STK32B: variants seen among roughly 807,000 people sequenced by gnomAD.
STK32B encodes the protein serine/threonine-protein kinase 32B.
Under a neutral mutation model 52.6 loss-of-function variants are expected in STK32B, and 43 were observed. That is an observed-to-expected ratio of 0.82 (90% CI 0.64 to 1.05). The LOEUF is 1.05. Ranked by LOEUF, STK32B falls within the 50% of genes least tolerant of loss-of-function variation. The pLI is 0.00. For synonymous variants in STK32B, 238 were observed against 204.3 expected, an observed-to-expected ratio of 1.17 and a Z score of -1.41; for missense variants, 621 against 534.6, an observed-to-expected ratio of 1.16 and a Z score of -1.59.
chr4:5,253,434 G>A (rs1726076781), intron 3 of STK32B, among the ~76,000 whole-genome samples: 1 of 152,112 alleles, frequency 6.6e-6, no homozygotes, highest in Non-Finnish European at 1.5e-5. Context: ...GAGTGCAGTG[G>A]CACGATCTCA....
At chr4:5,073,992 G>T (rs961240898) in intron 1 of STK32B, among the ~76,000 whole-genome samples, 6 of 151,668 alleles carry the variant, frequency 4.0e-5, no homozygotes, top group African/African-American at 1.5e-4. Context: ...ATTGTGGATT[G>T]ATATTTTAAA....
intron 4 of STK32B, among the ~76,000 whole-genome samples, chr4:5,359,488 G>T (rs1208148881): frequency 6.6e-6 from 1 of 150,578 alleles, no homozygotes; most frequent in Non-Finnish European, 1.5e-5. Flanking sequence ...GTGAACTAAT[G>T]ATCAAGTTTC....
chr4:5,019,431 C>CCCAGGCGTCCTCATGGTG, the STK32B span: 1 of 1,475,330 alleles, frequency 6.8e-7, no homozygotes, highest in Non-Finnish European at 8.9e-7. Context: ...CGGGCAGAGG[C>CCCAGGCGTCCTCATGGTG]CCAGGCGTCC....
intron 1 of STK32B, among the ~76,000 whole-genome samples, chr4:5,102,679 A>G (rs1301965559): frequency 2.7e-5 from 4 of 149,916 alleles, no homozygotes; most frequent in Non-Finnish European, 4.4e-5. Flanking sequence ...TTATAGGCAC[A>G]CACCACCATA....
At chr4:5,117,740 A>C (rs1259791897) in intron 1 of STK32B, among the ~76,000 whole-genome samples, 1 of 152,190 alleles carries the variant, frequency 6.6e-6, no homozygotes, top group East Asian at 1.9e-4. Flanking sequence ...ACTGAAATCT[A>C]AAATTGTATA....
intron 7 of STK32B, among the ~76,000 whole-genome samples, chr4:5,451,943 G>T (rs1352732160): frequency 1.3e-5 from 2 of 152,076 alleles, no homozygotes; most frequent in African/African-American, 4.8e-5. Flanking sequence ...CATCACCTAG[G>T]ACTTCTACCC....
intron 3 of STK32B, chr4:5,204,260 C>G (rs1722384412): frequency 6.6e-6 from 1 of 152,152 alleles, no homozygotes; most frequent in South Asian, 2.1e-4. Context: ...CTCCATGATT[C>G]ATTTATTGAA....
intron 9 of STK32B, among the ~76,000 whole-genome samples, chr4:5,464,686 C>A (rs986652669): frequency 4.6e-5 from 7 of 152,158 alleles, no homozygotes; most frequent in African/African-American, 1.7e-4. Flanking sequence ...CAGCTTCACA[C>A]CAGTCCTGGG....
chr4:5,436,147 A>T (rs1714056848), intron 6 of STK32B, among the ~76,000 whole-genome samples: 1 of 152,196 alleles, frequency 6.6e-6, no homozygotes, highest in Non-Finnish European at 1.5e-5. Context: ...CCCCAGCCCT[A>T]GTACCTTGTG....
chr4:5,433,790 A>G (rs1577489889), intron 6 of STK32B, among the ~76,000 whole-genome samples: 1 of 152,148 alleles, frequency 6.6e-6, no homozygotes, highest in African/African-American at 2.4e-5. Context: ...GCAGGCTAAT[A>G]ATTATACTTC....
chr4:5,375,853 G>T (rs574873817), intron 4 of STK32B, among the ~76,000 whole-genome samples: 235 of 152,226 alleles, frequency 1.5e-3, no homozygotes, highest in African/African-American at 5.4e-3. Flanking sequence ...GAGCCTGGAG[G>T]GCAGGTTCCT....
chr4:5,182,187 CT>C (rs1454639020), intron 3 of STK32B, among the ~76,000 whole-genome samples: 1 of 152,226 alleles, frequency 6.6e-6, no homozygotes, highest in Non-Finnish European at 1.5e-5. Context: ...TCCAGCTCTA[CT>C]TCTAATTCTA....
chr4:5,110,496 A>G (rs1296481302), intron 1 of STK32B, among the ~76,000 whole-genome samples: 1 of 151,712 alleles, frequency 6.6e-6, no homozygotes, highest in Non-Finnish European at 1.5e-5. Context: ...TGACAAAAAT[A>G]AAAAATGGGA....
At chr4:5,292,767 C>CT (rs1041436410) in intron 3 of STK32B, among the ~76,000 whole-genome samples, 2 of 151,726 alleles carry the variant, frequency 1.3e-5, no homozygotes, top group African/African-American at 4.8e-5. Flanking sequence ...TGCTCTAGGA[C>CT]TTTTTTTCTT....
intron 3 of STK32B, among the ~76,000 whole-genome samples, chr4:5,175,466 T>G (rs1211080990): frequency 1.4e-4 from 21 of 152,228 alleles, no homozygotes. Flanking sequence ...GATGGTGATG[T>G]ACAGATGGGT....
intron 7 of STK32B, among the ~76,000 whole-genome samples, chr4:5,449,076 T>G (rs1715735868): frequency 6.6e-6 from 1 of 152,176 alleles, no homozygotes; most frequent in Admixed American, 6.5e-5. Flanking sequence ...GCACGGTGAC[T>G]CAGATCTGTA....
intron 4 of STK32B, among the ~76,000 whole-genome samples, chr4:5,339,912 G>C (rs1320042417): frequency 2.0e-5 from 3 of 152,098 alleles, no homozygotes; most frequent in Non-Finnish European, 2.9e-5. Flanking sequence ...CTTGAAATCT[G>C]ATGTTCAGTG....
rs1718170719 is a variant in STK32B, at chr4:5,159,542, T to TGA, written c.109-8757_109-8756insGA. On this transcript the variant is annotated intron_variant, in intron 2 of 11. Coordinates refer to ENST00000282908, the MANE Select transcript of STK32B (RefSeq NM_018401.3). ...AATATATGATATATATGTATATATGTATATATATGAATATATATGAATGAA... is the reference window on the plus strand; with the variant it reads ...AATATATGATATATATGTATATATGTGAATATATATGAATATATATGAATGAA... Among the ~76,000 whole-genome samples, 6 of 102,942 alleles carry TGA rather than the reference T, an allele frequency of 5.8e-5. No individual in the cohort carries two copies. In the South Asian group the frequency reaches 1.2e-3, roughly 20 times the overall value. The allele number at this position is 102,942 out of a possible 152,430, so 67.5% of individuals were successfully genotyped here.
intron 11 of STK32B, among the ~76,000 whole-genome samples, chr4:5,476,930 A>C (rs561518057): frequency 8.9e-4 from 135 of 152,060 alleles, no homozygotes; most frequent in African/African-American, 2.8e-3. Flanking sequence ...CTACCACCAG[A>C]AACTGGAAGA....
Sources: gnomAD v4.1 joint callset for allele counts (sites outside exome capture counted in the v4.1 genomes callset) on GRCh38, gnomAD v4.1.1 for gene constraint, MANE v1.5 for transcripts, NCBI Gene and HGNC (gene_info 2026-07-23, HGNC 2026-07-21) for gene names.